The following SSX2IP variants were observed in gnomAD, a reference collection of about 807,000 sequenced individuals.
The protein encoded by SSX2IP is afadin- and alpha-actinin-binding protein.
A neutral mutation model predicts 84.9 loss-of-function variants in SSX2IP; 55 were observed. The observed-to-expected ratio is 0.65, with a 90% CI of 0.52 to 0.81. The LOEUF (loss-of-function observed/expected upper bound fraction) is 0.81, where lower values mean the gene tolerates loss of function less well. SSX2IP is among the 30% of genes least tolerant of loss of function. SSX2IP has a pLI of 0.00. For synonymous variants in SSX2IP, 239 were observed against 234.7 expected (o/e 1.02, Z -0.17); for missense variants, 664 against 705.2 (o/e 0.94, Z 0.66).
intron 5 of SSX2IP, 103 bp downstream of exon 5, chr1:84,666,019 A>T (rs1019280790): frequency 4.8e-6 from 4 of 830,622 alleles, no homozygotes; most frequent in Non-Finnish European, 7.7e-6. Flanking sequence ...AGATGAATAA[A>T]TGGTTCTTTC....
chr1:84,678,761 T>G (rs965402679), intron 1 of SSX2IP, among the ~76,000 whole-genome samples: 1 of 152,170 alleles, frequency 6.6e-6, no homozygotes, highest in African/African-American at 2.4e-5. Context: ...AACTACAAAC[T>G]GAAAGAGAGC....
At chr1:84,672,410 TA>T (rs201868060) in intron 1 of SSX2IP, among the ~76,000 whole-genome samples, 15,117 of 141,156 alleles carry the variant, frequency 0.11, 945 homozygotes, top group African/African-American at 0.19. Flanking sequence ...AGTAGCTAAT[TA>T]AAAAAAAAAA....
rs72952167 is a variant in SSX2IP at position 84,656,088 on chromosome 1, T to C, written c.1216-83A>G. On this transcript the variant is annotated intron_variant, in intron 10 of 13. Transcript: ENST00000342203. ...TGAAATGAAAGCAAGGGAAGGCCAG[T>C]CAAACTTCAGGGCAGGAATAGAAAT... The C allele has an allele frequency of 2.6e-4, 327 of 1,276,248 alleles. 1 individual carries two copies. The African/African-American group carries it at 4.5e-3, about 18-fold the overall frequency. The allele number at this position is 1,276,248 out of a possible 1,614,324, so 79.1% of individuals were successfully genotyped here.
At chr1:84,682,664 C>T (rs1441282157) in intron 1 of SSX2IP, among the ~76,000 whole-genome samples, 1 of 152,018 alleles carries the variant, frequency 6.6e-6, no homozygotes, top group Non-Finnish European at 1.5e-5. Flanking sequence ...GCCACCGCAC[C>T]TGCTAATTTT....
chr1:84,647,712 T>C lies in SSX2IP; in HGVS notation c.1671-105A>G, dbSNP rs1649646412. The C allele has an allele frequency of 7.5e-6, 5 of 668,676 alleles. No homozygotes were observed. In the South Asian group the frequency reaches 1.2e-4, roughly 15 times the overall value. 41.4% of individuals were successfully genotyped at this position (668,676 alleles called of 1,614,324 possible). On this transcript the variant is annotated intron_variant, in intron 13 of 13. Transcript: ENST00000342203. ...AAAAAAAATAAGTTCCTTTTAATTC[T>C]AAAAATCTAGGCCAAAAATATAATT...
intron 1 of SSX2IP, among the ~76,000 whole-genome samples, chr1:84,680,894 T>A (rs1200651536): frequency 1.3e-5 from 2 of 152,190 alleles, no homozygotes; most frequent in Non-Finnish European, 2.9e-5. Flanking sequence ...AAAAAAAATT[T>A]ATGTTTTTAA....
intron 5 of SSX2IP, 150 bp from the exon 6 acceptor site, chr1:84,664,702 A>G: frequency 1.7e-6 from 1 of 592,026 alleles, no homozygotes; most frequent in Non-Finnish European, 2.6e-6. Flanking sequence ...TTTAAATATT[A>G]TATGAATCAC....
At chr1:84,661,705 G>C (rs1335751796) in intron 8 of SSX2IP, among the ~76,000 whole-genome samples, 1 of 152,202 alleles carries the variant, frequency 6.6e-6, no homozygotes, top group Non-Finnish European at 1.5e-5. Context: ...TCTGTGAAAA[G>C]TAGAGTACAT....
chr1:84,663,752 C>CAATA (rs1476761904), intron 6 of SSX2IP, among the ~76,000 whole-genome samples: 2 of 152,162 alleles, frequency 1.3e-5, no homozygotes, highest in African/African-American at 4.8e-5. Context: ...AACCACTCTT[C>CAATA]AATAAATAAA....
In SSX2IP at chr1:84,651,935, G is replaced by T. The variant is rs1439510324; in HGVS notation, c.1452C>A (p.Thr484=). Residue 484 remains threonine, a synonymous_variant, in exon 12 of 14, where the codon ACC becomes ACA. Coordinates refer to ENST00000342203, the MANE Select transcript of SSX2IP (RefSeq NM_001166293.2). ...CATTTTCTGAGTTCTGGTGGTCAAA[G>T]GTAGTCATATTTAGAAACTGCTGCT... ...WLKQQFLNMT[T]FDHQNSENVK... 6.2e-7 allele frequency: 1 copy of T among 1,613,862 alleles called. No homozygotes were observed. The highest frequency in any genetic ancestry group is 8.5e-7 in the Non-Finnish European group (1 of 1,179,856).
intron 12 of SSX2IP, among the ~76,000 whole-genome samples, chr1:84,651,013 C>T (rs1650165253): frequency 6.6e-6 from 1 of 152,096 alleles, no homozygotes; most frequent in Non-Finnish European, 1.5e-5. Context: ...CCAAAAGGAT[C>T]TAGTTTTAAA....
chr1:84,650,155 C>T, intron 13 of SSX2IP: 3 of 622,592 alleles, frequency 4.8e-6, no homozygotes, highest in East Asian at 2.7e-5. Flanking sequence ...GACAACAGAT[C>T]TACCTGTTCA....
intron 1 of SSX2IP, among the ~76,000 whole-genome samples, chr1:84,683,867 A>G (rs1314736824): frequency 6.6e-6 from 1 of 152,200 alleles, no homozygotes; most frequent in African/African-American, 2.4e-5. Flanking sequence ...TATCAGTTTC[A>G]AATTCTTCCA....
chr1:84,659,569 G>A (rs918198914), intron 8 of SSX2IP, among the ~76,000 whole-genome samples: 1 of 152,154 alleles, frequency 6.6e-6, no homozygotes, highest in Admixed American at 6.5e-5. Context: ...GGAGGCAGAG[G>A]TGGGTGGATC....
intron 11 of SSX2IP, among the ~76,000 whole-genome samples, chr1:84,653,171 CA>C (rs1335073846): frequency 3.9e-5 from 6 of 151,970 alleles, no homozygotes; most frequent in Non-Finnish European, 8.8e-5. Flanking sequence ...ATAAACAATG[CA>C]AAAAATGGAA....
intron 1 of SSX2IP, among the ~76,000 whole-genome samples, chr1:84,676,461 T>G (rs760809796): frequency 6.6e-6 from 1 of 152,194 alleles, no homozygotes; most frequent in East Asian, 1.9e-4. Context: ...GTCTTCCCTA[T>G]ATGTCACTAT....
chr1:84,668,234 T>C, intron 4 of SSX2IP, among the ~76,000 whole-genome samples: 1 of 152,164 alleles, frequency 6.6e-6, no homozygotes, highest in East Asian at 1.9e-4. Flanking sequence ...CAACATATCA[T>C]AATGATTTAC....
chr1:84,644,535 G>C lies in SSX2IP; in HGVS notation c.*2898C>G, dbSNP rs1649256910. On this transcript the variant is annotated 3_prime_UTR_variant, in exon 14 of 14. Transcript: ENST00000342203. ...CCATACTTACTTTAAATTCAATCTA[G>C]AAATAACATGACTCATATTAGGCAA... 6.6e-6 allele frequency: 1 copy of C among 152,130 alleles called. No individual in the cohort carries two copies. The highest frequency in any genetic ancestry group is 1.9e-4 in the East Asian group (1 of 5,198). The allele number at this position is 152,130 out of a possible 1,614,324, so 9.4% of individuals were successfully genotyped here.
intron 1 of SSX2IP, among the ~76,000 whole-genome samples, chr1:84,672,945 A>T (rs900981525): frequency 1.3e-5 from 2 of 152,182 alleles, no homozygotes; most frequent in African/African-American, 4.8e-5. Context: ...GAATCCCTTG[A>T]ACCCGGGAGG....
Sources: allele counts gnomAD v4.1 joint callset (sites outside exome capture counted in the v4.1 genomes callset), GRCh38; gene constraint gnomAD v4.1.1; transcripts MANE v1.5; gene names NCBI Gene and HGNC (gene_info 2026-07-23, HGNC 2026-07-21).